The following CDK5RAP2 variants were observed in gnomAD, a reference collection of about 807,000 sequenced individuals.
CDK5RAP2 encodes CDK5 regulatory subunit-associated protein 2.
Under a neutral mutation model 232.9 loss-of-function variants are expected in CDK5RAP2, and 147 were observed. The ratio of observed to expected loss-of-function variants is 0.63; its 90% CI spans 0.55 to 0.72. The LOEUF is 0.72. Among genes scored for constraint, CDK5RAP2 ranks in the 30% least tolerant of loss-of-function variants. The probability of loss-of-function intolerance (pLI) is 0.00; values close to 1 mark genes in which losing one functional copy is unlikely to be tolerated. For missense variants in CDK5RAP2, 2,195 were observed against 2,231.5 expected, an observed-to-expected ratio of 0.98 and a Z score of 0.33; for synonymous variants, 833 against 833.7, an observed-to-expected ratio of 1.00 and a Z score of 0.01.
chr9:120,422,423 T>G (rs529268003), intron 26 of CDK5RAP2, among the ~76,000 whole-genome samples: 7 of 152,304 alleles, frequency 4.6e-5, no homozygotes, highest in Non-Finnish European at 1.0e-4. Context: ...TGCAGGTATC[T>G]GGGAGCCAAC....
At chr9:120,521,646 T>C (rs982306574) in intron 11 of CDK5RAP2, among the ~76,000 whole-genome samples, 1 of 140,810 alleles carries the variant, frequency 7.1e-6, no homozygotes, top group Non-Finnish European at 1.5e-5. Context: ...CTCTTTTTCT[T>C]TTTTTTTTTT....
chr9:120,479,533 C>T (rs980150129), intron 14 of CDK5RAP2, among the ~76,000 whole-genome samples: 2 of 152,126 alleles, frequency 1.3e-5, no homozygotes, highest in Non-Finnish European at 2.9e-5. Flanking sequence ...AACTGTGTAC[C>T]ATCAGACAGG....
intron 1 of CDK5RAP2, among the ~76,000 whole-genome samples, chr9:120,578,259 C>T (rs933679404): frequency 6.6e-6 from 1 of 152,016 alleles, no homozygotes; most frequent in African/African-American, 2.4e-5. Context: ...AAGCAAGACT[C>T]CGTCTCAAAA....
At chr9:120,493,061 T>C (rs1296100431) in intron 12 of CDK5RAP2, among the ~76,000 whole-genome samples, 1 of 152,228 alleles carries the variant, frequency 6.6e-6, no homozygotes, top group Non-Finnish European at 1.5e-5. Context: ...TAGAACAGCA[T>C]AATCAGTATC....
chr9:120,539,972 C>T (rs1345295980), intron 5 of CDK5RAP2, among the ~76,000 whole-genome samples: 1 of 152,186 alleles, frequency 6.6e-6, no homozygotes, highest in Non-Finnish European at 1.5e-5. Flanking sequence ...AAGAGAAAAG[C>T]ATTTTAAATG....
At chr9:120,452,791 T>C (rs1226942947) in intron 21 of CDK5RAP2, among the ~76,000 whole-genome samples, 1 of 151,908 alleles carries the variant, frequency 6.6e-6, no homozygotes, top group African/African-American at 2.4e-5. Context: ...GGAAAGGGTG[T>C]GGCTGTGCAG....
At chr9:120,486,869 G>A (rs1161244268) in intron 14 of CDK5RAP2, among the ~76,000 whole-genome samples, 1 of 152,148 alleles carries the variant, frequency 6.6e-6, no homozygotes, top group Non-Finnish European at 1.5e-5. Context: ...CAAACATGGT[G>A]TTTTCAGGAA....
At chr9:120,518,395 C>T (rs1354025954) in intron 12 of CDK5RAP2, 32 bp downstream of exon 12, 1 of 1,574,890 alleles carries the variant, frequency 6.3e-7, no homozygotes, top group East Asian at 2.2e-5. Flanking sequence ...AAAGCACTGT[C>T]CACTGTGTCA....
At chr9:120,468,100 C>G in intron 17 of CDK5RAP2, 103 bp from the exon 18 acceptor site, 1 of 1,127,604 alleles carries the variant, frequency 8.9e-7, no homozygotes, top group South Asian at 1.3e-5. Context: ...TTTGGCACCA[C>G]AGTTACGGGG....
intron 5 of CDK5RAP2, among the ~76,000 whole-genome samples, chr9:120,539,447 T>C (rs2041534154): frequency 6.6e-6 from 1 of 152,362 alleles, no homozygotes; most frequent in South Asian, 2.1e-4. Context: ...AGTGAAGTGA[T>C]CTTATTACTT....
intron 31 of CDK5RAP2, chr9:120,407,940 C>T (rs2033588571): frequency 3.5e-6 from 1 of 286,400 alleles, no homozygotes; most frequent in Non-Finnish European, 6.9e-6. Context: ...AAGGTCATTT[C>T]CTGGGTGCCT....
At chr9:120,556,005 G>A (rs1387620169) in intron 3 of CDK5RAP2, among the ~76,000 whole-genome samples, 12 of 152,190 alleles carry the variant, frequency 7.9e-5, no homozygotes, top group Non-Finnish European at 1.5e-4. Context: ...ACAGAGAACA[G>A]GGCATTAGTT....
intron 21 of CDK5RAP2, among the ~76,000 whole-genome samples, chr9:120,450,360 G>C (rs2036416823): frequency 6.6e-6 from 1 of 152,158 alleles, no homozygotes; most frequent in South Asian, 2.1e-4. Context: ...GGGTGGGCAA[G>C]TTCAGGGGAA....
chr9:120,555,060 TA>T (rs1300722218), intron 3 of CDK5RAP2, among the ~76,000 whole-genome samples: 1 of 119,342 alleles, frequency 8.4e-6, no homozygotes, highest in Non-Finnish European at 1.6e-5. Flanking sequence ...GAAACAGATA[TA>T]AAAAAAGAAT....
chr9:120,500,720 C>T (rs2039534996), intron 12 of CDK5RAP2, among the ~76,000 whole-genome samples: 1 of 152,200 alleles, frequency 6.6e-6, no homozygotes, highest in Non-Finnish European at 1.5e-5. Flanking sequence ...TCATTTTCCC[C>T]CTACATTACA....
At chr9:120,534,032 C>T (rs1481551260) in intron 7 of CDK5RAP2, among the ~76,000 whole-genome samples, 1 of 152,138 alleles carries the variant, frequency 6.6e-6, no homozygotes, top group Non-Finnish European at 1.5e-5. Context: ...GCCCCAGTGT[C>T]AATCCATTCC....
intron 34 of CDK5RAP2, among the ~76,000 whole-genome samples, 173 bp downstream of exon 34, chr9:120,402,633 C>T (rs1401852846): frequency 6.6e-6 from 1 of 152,164 alleles, no homozygotes; most frequent in African/African-American, 2.4e-5. Flanking sequence ...CAAACACAGC[C>T]ACCACCAATA....
chr9:120,429,351 T>C (rs1366621784), intron 25 of CDK5RAP2, among the ~76,000 whole-genome samples: 1 of 152,122 alleles, frequency 6.6e-6, no homozygotes. Flanking sequence ...ATTGTATATC[T>C]AGAAAACCCC....
chr9:120,393,576 T>C (rs2032193213), intron 36 of CDK5RAP2, among the ~76,000 whole-genome samples: 1 of 152,222 alleles, frequency 6.6e-6, no homozygotes, highest in South Asian at 2.1e-4. Context: ...ACAGGGAAAC[T>C]GACACACAGA....
Sources: gnomAD v4.1 joint callset for allele counts (sites outside exome capture counted in the v4.1 genomes callset) on GRCh38, gnomAD v4.1.1 for gene constraint, MANE v1.5 for transcripts, NCBI Gene and HGNC (gene_info 2026-07-23, HGNC 2026-07-21) for gene names.